Variants in MBTPS1 observed in about 807,000 individuals in gnomAD.
The protein encoded by MBTPS1 is membrane-bound transcription factor site-1 protease.
MBTPS1 carries 94 observed loss-of-function variants against 127.8 expected under a neutral mutation model. The ratio of observed to expected loss-of-function variants is 0.74; its 90% CI spans 0.62 to 0.87. The LOEUF (loss-of-function observed/expected upper bound fraction) is 0.87. Among genes scored for constraint, MBTPS1 ranks in the 40% least tolerant of loss-of-function variants. The probability of loss-of-function intolerance (pLI) is 0.00; values close to 1 mark genes in which losing one functional copy is unlikely to be tolerated. For synonymous variants in MBTPS1, 632 were observed against 509.4 expected (o/e 1.24, Z -3.24); for missense variants, 1,636 against 1,353.2 (o/e 1.21, Z -3.28).
chr16:84,055,969 T>C, intron 22 of MBTPS1, 36 bp downstream of exon 22: 1 of 1,597,324 alleles, frequency 6.3e-7, no homozygotes, highest in Non-Finnish European at 8.6e-7. Context: ...AAATACAGGA[T>C]GACTGAGCAC....
chr16:84,116,685 G>A (rs7205646), intron 1 of MBTPS1, 50 bp downstream of exon 1: 60,625 of 151,838 alleles, frequency 0.4, 12,378 homozygotes, highest in East Asian at 0.67. Context: ...GCGGGCCGCC[G>A]CCGCTAGGCG....
chr16:84,078,099 G>A (rs1488719259), intron 11 of MBTPS1, among the ~76,000 whole-genome samples: 1 of 80,626 alleles, frequency 1.2e-5, no homozygotes, highest in Admixed American at 1.4e-4. Context: ...CGGCACTCAC[G>A]CACACTGCTC....
rs1282233301 is a variant in MBTPS1 at position 84,081,606 on chromosome 16, A to G, written c.1448+141T>C. The G allele has an allele frequency of 5.2e-6, 3 of 573,014 alleles. No homozygotes were observed. The African/African-American group carries it at 5.7e-5, about 11-fold the overall frequency. The allele number at this position is 573,014 out of a possible 1,614,324, so 35.5% of individuals were successfully genotyped here. ...GCCAGCAGCACCCTGTAGAAGCAGC[A>G]GCAAAACCTCTCCAAGCACCCCGAG... On this transcript the variant is annotated intron_variant, in intron 11 of 22. Coordinates refer to ENST00000343411, the MANE Select transcript of MBTPS1 (RefSeq NM_003791.4).
intron 22 of MBTPS1, 127 bp downstream of exon 22, chr16:84,055,878 A>C (rs2085514048): frequency 9.6e-7 from 1 of 1,044,690 alleles, no homozygotes; most frequent in South Asian, 1.8e-5. Flanking sequence ...CCAAGAGCCA[A>C]GGCCACCACA....
At chr16:84,070,456 A>G (rs946035196) in intron 13 of MBTPS1, 132 bp downstream of exon 13, 5 of 879,114 alleles carry the variant, frequency 5.7e-6, no homozygotes, top group South Asian at 3.3e-5. Context: ...GGAACCATCA[A>G]TTGTGGCCAT....
At chr16:84,108,250 C>A (rs1024554318) in intron 1 of MBTPS1, among the ~76,000 whole-genome samples, 3 of 151,914 alleles carry the variant, frequency 2.0e-5, no homozygotes, top group Admixed American at 6.6e-5. Flanking sequence ...TACAGACACA[C>A]AAACCTAAGG....
chr16:84,086,427 C>G (rs1474250842), intron 9 of MBTPS1: 4 of 152,416 alleles, frequency 2.6e-5, no homozygotes, highest in Admixed American at 6.5e-5. Flanking sequence ...CGCAGCCTGC[C>G]CTGCACAGAC....
intron 18 of MBTPS1, among the ~76,000 whole-genome samples, chr16:84,064,429 A>C (rs2085653296): frequency 6.6e-6 from 1 of 152,168 alleles, no homozygotes; most frequent in Admixed American, 6.5e-5. Context: ...GCATAACCCA[A>C]ATTCCTATTT....
chr16:84,074,881 G>A, intron 11 of MBTPS1, 140 bp from the exon 12 acceptor site: 1 of 697,208 alleles, frequency 1.4e-6, no homozygotes, highest in Non-Finnish European at 2.3e-6. Flanking sequence ...CTGGCATCTG[G>A]GAACTTGGCT....
At position 84,087,472 on chromosome 16, in the gene MBTPS1, C is replaced by T; in HGVS notation, c.1032-12G>A. On this transcript the variant is annotated splice_polypyrimidine_tract_variant and intron_variant, in intron 8 of 22. Coordinates refer to ENST00000343411, the MANE Select transcript of MBTPS1 (RefSeq NM_003791.4). ...GGTTATTCAGAGTGCTATATTGAGA[C>T]CAAAAAAAAAAAAAAAGAAAAGAAA... The T allele has an allele frequency of 1.0e-6, 1 of 981,964 alleles. No homozygotes were observed. The highest frequency in any genetic ancestry group is 1.4e-6 in the Non-Finnish European group (1 of 728,690). The allele number at this position is 981,964 out of a possible 1,614,324, so 60.8% of individuals were successfully genotyped here.
At chr16:84,078,994 G>T (rs2085900036) in intron 11 of MBTPS1, among the ~76,000 whole-genome samples, 1 of 152,240 alleles carries the variant, frequency 6.6e-6, no homozygotes, top group Admixed American at 6.5e-5. Context: ...TGTTGGAGGT[G>T]GGCCTAGTGG....
intron 8 of MBTPS1, among the ~76,000 whole-genome samples, chr16:84,089,080 C>T (rs1264977672): frequency 6.6e-6 from 1 of 152,220 alleles, no homozygotes; most frequent in African/African-American, 2.4e-5. Flanking sequence ...GAACAGCATG[C>T]GAAAGAGCTG....
intron 8 of MBTPS1, among the ~76,000 whole-genome samples, chr16:84,089,918 T>C (rs2086080207): frequency 1.3e-5 from 2 of 152,194 alleles, no homozygotes; most frequent in African/African-American, 4.8e-5. Flanking sequence ...TAATAACTGG[T>C]GTTTGTCATG....
chr16:84,111,498 G>A (rs1241856897), intron 1 of MBTPS1, among the ~76,000 whole-genome samples: 2 of 151,616 alleles, frequency 1.3e-5, no homozygotes, highest in Non-Finnish European at 2.9e-5. Context: ...CCAAGACTGT[G>A]CCACTGCACT....
intron 1 of MBTPS1, among the ~76,000 whole-genome samples, chr16:84,106,684 G>C (rs1482613361): frequency 6.6e-6 from 1 of 152,220 alleles, no homozygotes; most frequent in Non-Finnish European, 1.5e-5. Context: ...GCAGTCCTGA[G>C]CACGTGTGGC....
Position 84,065,739 on chromosome 16 carries a change from C to A in MBTPS1, c.2382G>T (p.Ala794=). ...TCACGACGCCATCTTCTGGAAACTT[C>A]GCGATGCTGCACCCTGACGCATAAT... ...DMYYASGCSI[A]KFPEDGVVIT... is the part of the protein sequence containing the mutation. The change falls in exon 18 of 23, where the codon GCG becomes GCT. Residue 794 remains alanine (A), a synonymous_variant. Transcript: ENST00000343411. 12 of 1,610,976 alleles carry A rather than the reference C, an allele frequency of 7.4e-6. No homozygotes were observed. Among genetic ancestry groups the A allele is most frequent in the Non-Finnish European group, 1.0e-5 (12 of 1,179,014 alleles).
chr16:84,077,691 A>G (rs1459758768), intron 11 of MBTPS1, among the ~76,000 whole-genome samples: 1 of 152,252 alleles, frequency 6.6e-6, no homozygotes, highest in Non-Finnish European at 1.5e-5. Context: ...CAGTGCAGAA[A>G]AAGACTTTCT....
Position 84,087,458 on chromosome 16 carries a change from G to T in MBTPS1, c.1034C>A (p.Thr345Asn), listed in dbSNP as rs146889349. The change falls in exon 9 of 23, where the codon ACT becomes AAT. Residue 345 changes from threonine (T) to asparagine (N), a missense_variant and splice_region_variant. By Grantham distance (65) the Thr-to-Asn change is moderately conservative (BLOSUM62 0). Coordinates refer to ENST00000343411, the MANE Select transcript of MBTPS1 (RefSeq NM_003791.4). The stretch of plus-strand genomic sequence containing the variant: ...CATTTGATCAGCAGGGTTATTCAGA[G>T]TGCTATATTGAGACCAAAAAAAAAA... ...AIGNDGPLYG[T>N]LNNPADQMDV... is the part of the protein sequence containing the mutation. 1 of 1,500,048 alleles carries T rather than the reference G, an allele frequency of 6.7e-7. No homozygotes were observed. Among genetic ancestry groups the T allele is most frequent in the Non-Finnish European group, 9.1e-7 (1 of 1,104,582 alleles). 92.9% of individuals were successfully genotyped at this position (1,500,048 alleles called of 1,614,324 possible).
rs757952811 is a variant in MBTPS1, at chr16:84,067,709, G to A, written c.2186C>T (p.Thr729Ile). 1 of 1,614,032 alleles carries A rather than the reference G, an allele frequency of 6.2e-7. No homozygotes were observed. The change falls in exon 16 of 23, where the codon ACT becomes ATT. Residue 729 changes from threonine to isoleucine, a missense_variant. Thr to Ile is a moderately conservative substitution (Grantham distance 89). Transcript: ENST00000343411. ...SLVIFSDWYNTSVMRKVKFYD... is the reference protein window; with the variant it reads ...SLVIFSDWYNISVMRKVKFYD... ...AAACTTCACTTTTCTCATAACAGAA[G>A]TGTTGTACCAGTCACTGAAGATGAC...
Sources: gnomAD v4.1 joint callset for allele counts (sites outside exome capture counted in the v4.1 genomes callset) on GRCh38, gnomAD v4.1.1 for gene constraint, MANE v1.5 for transcripts, NCBI Gene and HGNC (gene_info 2026-07-23, HGNC 2026-07-21) for gene names.